Variants in EXOC4 observed in about 807,000 individuals in gnomAD.
EXOC4 encodes exocyst complex component 4, also known as SEC8-like 1.
A neutral mutation model predicts 107.2 loss-of-function variants in EXOC4; 71 were observed. The ratio of observed to expected loss-of-function variants is 0.66; its 90% CI spans 0.55 to 0.81. EXOC4 has a LOEUF of 0.81. Ranked by LOEUF, EXOC4 falls within the 30% of genes least tolerant of loss-of-function variation. The probability of loss-of-function intolerance (pLI) is 0.00; values close to 1 mark genes in which losing one functional copy is unlikely to be tolerated. For missense variants in EXOC4, 1,108 were observed against 1,189.6 expected (o/e 0.93, Z 1.01); for synonymous variants, 456 against 441.2 (o/e 1.03, Z -0.42).
chr7:133,324,707 C>T (rs900783822), intron 5 of EXOC4, among the ~76,000 whole-genome samples: 147 of 152,264 alleles, frequency 9.7e-4, no homozygotes, highest in African/African-American at 3.2e-3. Flanking sequence ...GTGGAGAGTT[C>T]TGTAGAGGTC....
At chr7:133,457,075 G>C (rs1798480184) in intron 7 of EXOC4, among the ~76,000 whole-genome samples, 1 of 152,170 alleles carries the variant, frequency 6.6e-6, no homozygotes, top group Non-Finnish European at 1.5e-5. Flanking sequence ...CGAATGAACA[G>C]AAACTTTAGT....
intron 14 of EXOC4, among the ~76,000 whole-genome samples, chr7:133,991,456 G>A (rs898638145): frequency 2.6e-5 from 4 of 151,868 alleles, no homozygotes; most frequent in African/African-American, 7.3e-5. Flanking sequence ...TTGGCTTGGC[G>A]TAATCCCATT....
intron 7 of EXOC4, among the ~76,000 whole-genome samples, chr7:133,425,467 A>G (rs1234763710): frequency 6.6e-6 from 1 of 152,072 alleles, no homozygotes; most frequent in Non-Finnish European, 1.5e-5. Flanking sequence ...TTTGTGTTTT[A>G]GTAGAGACGG....
intron 9 of EXOC4, among the ~76,000 whole-genome samples, chr7:133,563,279 T>C (rs1204083458): frequency 2.6e-5 from 4 of 152,180 alleles, no homozygotes; most frequent in Non-Finnish European, 4.4e-5. Context: ...AATGGAATTT[T>C]AAAGAATGTC....
At chr7:133,920,179 T>G (rs1799906554) in intron 13 of EXOC4, among the ~76,000 whole-genome samples, 1 of 152,356 alleles carries the variant, frequency 6.6e-6, no homozygotes, top group Middle Eastern at 3.4e-3. Flanking sequence ...TGTCTCTATA[T>G]CTTTGGTGAA....
chr7:133,292,987 C>T (rs1164265294), intron 3 of EXOC4, among the ~76,000 whole-genome samples: 1 of 152,152 alleles, frequency 6.6e-6, no homozygotes, highest in Non-Finnish European at 1.5e-5. Flanking sequence ...CTAACCTTCC[C>T]TTTTCGTAGT....
rs566496999 is a variant in EXOC4, at chr7:133,259,724, A to G, written c.86+6537A>G. The stretch of plus-strand genomic sequence containing the variant: ...TCCTCCTAAAGTTATTATCATTGAT[A>G]TTAGATGAACCTAATCCCAGACCCC... On this transcript the variant is annotated intron_variant, in intron 1 of 17. Coordinates refer to ENST00000253861, the MANE Select transcript of EXOC4 (RefSeq NM_021807.4). Among the ~76,000 whole-genome samples the G allele has an allele frequency of 5.3e-5, 8 of 152,362 alleles. No individual in the cohort carries two copies. In the East Asian group the frequency reaches 1.5e-3, roughly 29 times the overall value.
intron 7 of EXOC4, among the ~76,000 whole-genome samples, chr7:133,409,228 C>T (rs947203964): frequency 6.6e-5 from 10 of 152,072 alleles, no homozygotes; most frequent in East Asian, 1.9e-4. Flanking sequence ...CTTTGTTTTC[C>T]GTTAGAAAGC....
intron 11 of EXOC4, among the ~76,000 whole-genome samples, chr7:133,820,154 A>ATTTTTTTTTTTTTTTTTTTTTTTGTTTT (rs1797480521): frequency 1.4e-5 from 1 of 70,300 alleles, no homozygotes; most frequent in African/African-American, 5.4e-5. Flanking sequence ...CACCTGCTTC[A>ATTTTTTTTTTTTTTTTTTTTTTTGTTTT]TTTTTTTTTT....
At chr7:134,068,712 T>G (rs1352308539), downstream of EXOC4, among the ~76,000 whole-genome samples, 1 of 152,120 alleles carries the variant, frequency 6.6e-6, no homozygotes, top group Non-Finnish European at 1.5e-5. Context: ...AGCCCCACCC[T>G]CTCTCCAAGA....
Position 133,485,097 on chromosome 7 carries a change from AT to A in EXOC4, c.1417+4960del, listed in dbSNP as rs200070176. Among the ~76,000 whole-genome samples, 88 of 147,616 alleles carry A rather than the reference AT, an allele frequency of 6.0e-4. 1 individual carries two copies. The highest frequency in any genetic ancestry group is 3.4e-3 in the Middle Eastern group (1 of 292). On this transcript the variant is annotated intron_variant, in intron 9 of 17. Coordinates refer to ENST00000253861, the MANE Select transcript of EXOC4 (RefSeq NM_021807.4). ...TCCGTCTCAAAAAATAAATAAATAA[AT>A]AAATAAATAAATAAATAAATAATTA...
chr7:133,909,897 T>C (rs1027008057), intron 12 of EXOC4, among the ~76,000 whole-genome samples: 20 of 151,766 alleles, frequency 1.3e-4, no homozygotes, highest in African/African-American at 4.4e-4. Context: ...AAGAAAAATC[T>C]GAACATTGAC....
intron 9 of EXOC4, among the ~76,000 whole-genome samples, chr7:133,615,766 T>C (rs372211557): frequency 1.3e-5 from 2 of 152,222 alleles, no homozygotes; most frequent in South Asian, 4.1e-4. Flanking sequence ...TACCTGTCTC[T>C]GTTCTCTCCT....
intron 14 of EXOC4, among the ~76,000 whole-genome samples, chr7:133,970,649 T>G (rs1305759592): frequency 6.6e-6 from 1 of 152,164 alleles, no homozygotes. Context: ...CCCACCCTGC[T>G]TCTGCTCACC....
Position 133,558,065 on chromosome 7 carries a change from A to G in EXOC4, c.1418-71980A>G, listed in dbSNP as rs1245910330. 2.6e-5 allele frequency among the ~76,000 whole-genome samples: 4 copies of G among 152,190 alleles called. No homozygotes were observed. In the East Asian group the frequency reaches 7.7e-4, roughly 29 times the overall value. On this transcript the variant is annotated intron_variant, in intron 9 of 17. Transcript: ENST00000253861. ...GTTTTCCCCTCATGCATTGTTTCTGACCTGTGTCATATGTGTCTTAATTTA... is the reference window on the plus strand; with the variant it reads ...GTTTTCCCCTCATGCATTGTTTCTGGCCTGTGTCATATGTGTCTTAATTTA...
chr7:134,097,494 C>T, the EXOC4 span, among the ~76,000 whole-genome samples: 1 of 152,108 alleles, frequency 6.6e-6, no homozygotes, highest in Non-Finnish European at 1.5e-5. Flanking sequence ...TTTTGTAGTT[C>T]CCTGAAGCAA....
intron 7 of EXOC4, among the ~76,000 whole-genome samples, chr7:133,472,511 A>G (rs1449350473): frequency 6.6e-6 from 1 of 152,208 alleles, no homozygotes; most frequent in African/African-American, 2.4e-5. Flanking sequence ...TAATGTTTTT[A>G]TGGGAAGATG....
intron 9 of EXOC4, among the ~76,000 whole-genome samples, chr7:133,597,957 C>T (rs983025176): frequency 1.3e-5 from 2 of 151,582 alleles, no homozygotes; most frequent in African/African-American, 4.8e-5. Context: ...AGGCTTCCGC[C>T]TCCCAGGATC....
At chr7:133,539,236 A>G (rs1780252510) in intron 9 of EXOC4, among the ~76,000 whole-genome samples, 1 of 152,060 alleles carries the variant, frequency 6.6e-6, no homozygotes. Flanking sequence ...ACAGAGCAGC[A>G]TTCTTTCTGT....
Sources: gnomAD v4.1 joint callset for allele counts (sites outside exome capture counted in the v4.1 genomes callset) on GRCh38, gnomAD v4.1.1 for gene constraint, MANE v1.5 for transcripts, NCBI Gene and HGNC (gene_info 2026-07-23, HGNC 2026-07-21) for gene names.